Variants in NLE1 observed in about 807,000 individuals in gnomAD.
NLE1 encodes the protein notchless protein homolog 1.
In NLE1, 37 loss-of-function variants were observed where a neutral mutation model predicts 62.8. That is an observed-to-expected ratio of 0.59 (90% CI 0.45 to 0.78). NLE1 has a LOEUF of 0.78. Among genes scored for constraint, NLE1 ranks in the 30% least tolerant of loss-of-function variants. NLE1 has a pLI of 0.00. For missense variants in NLE1, 555 were observed against 637.9 expected, an observed-to-expected ratio of 0.87 and a Z score of 1.40; for synonymous variants, 243 against 253.0, an observed-to-expected ratio of 0.96 and a Z score of 0.37.
At chr17:35,141,713 A>C (rs984403417) in intron 2 of NLE1, among the ~76,000 whole-genome samples, 6 of 152,222 alleles carry the variant, frequency 3.9e-5, no homozygotes, top group African/African-American at 1.4e-4. Context: ...AACGTGTCCC[A>C]GACTGGGGGA....
chr17:35,136,261 C>T, intron 8 of NLE1, 46 bp from the exon 9 acceptor site: 1 of 1,613,108 alleles, frequency 6.2e-7, no homozygotes, highest in Non-Finnish European at 8.5e-7. Flanking sequence ...AGGAAGAAGG[C>T]CGATAAGAAA....
intron 4 of NLE1, among the ~76,000 whole-genome samples, chr17:35,138,686 T>G (rs1228245494): frequency 1.3e-5 from 2 of 152,196 alleles, no homozygotes; most frequent in Non-Finnish European, 2.9e-5. Context: ...TCAAGTGATC[T>G]GCCTGCCTTG....
chr17:35,133,578 G>T, intron 10 of NLE1, 80 bp from the exon 11 acceptor site: 2 of 1,356,404 alleles, frequency 1.5e-6, no homozygotes, highest in Non-Finnish European at 2.0e-6. Context: ...TACGCTCATG[G>T]CAGTGGTTCT....
chr17:35,132,887 G>T (rs1274618139), intron 12 of NLE1, among the ~76,000 whole-genome samples: 3 of 152,132 alleles, frequency 2.0e-5, no homozygotes. Context: ...TCTACAAGGT[G>T]TCCTGTGGCC....
At chr17:35,141,760 C>T (rs192776380) in intron 2 of NLE1, among the ~76,000 whole-genome samples, 1 of 152,178 alleles carries the variant, frequency 6.6e-6, no homozygotes, top group South Asian at 2.1e-4. Flanking sequence ...GCATCCGGTG[C>T]GTTCAAAGCT....
At chr17:35,136,955 G>A (rs1228174410) in intron 7 of NLE1, 46 bp downstream of exon 7, 2 of 1,517,268 alleles carry the variant, frequency 1.3e-6, no homozygotes, top group Non-Finnish European at 1.8e-6. Flanking sequence ...AGCATCTTGT[G>A]ACTTGCGATT....
chr17:35,132,742 CCTGT>C (rs934512108), intron 12 of NLE1, among the ~76,000 whole-genome samples: 35 of 152,214 alleles, frequency 2.3e-4, no homozygotes, highest in African/African-American at 7.7e-4. Flanking sequence ...TATTTTTGAT[CCTGT>C]CTGTGAAGGT....
At chr17:35,133,268 G>A (rs1352575891) in intron 11 of NLE1, 27 bp from the exon 12 acceptor site, 2 of 1,613,838 alleles carry the variant, frequency 1.2e-6, no homozygotes, top group Non-Finnish European at 1.7e-6. Flanking sequence ...GAAGGCAGGT[G>A]GGGTGGTGAG....
At chr17:35,140,263 C>G (rs2091935093) in intron 2 of NLE1, among the ~76,000 whole-genome samples, 197 bp from the exon 3 acceptor site, 1 of 152,244 alleles carries the variant, frequency 6.6e-6, no homozygotes, top group African/African-American at 2.4e-5. Flanking sequence ...GAGTCTCGCT[C>G]TGTCACCCAG....
At position 35,137,024 on chromosome 17, in the gene NLE1, T is replaced by C. The variant is rs1360005324; in HGVS notation, c.805A>G (p.Ile269Val). The change falls in exon 7 of 13, where the codon ATC becomes GTC. Residue 269 changes from isoleucine (I) to valine (V), a missense_variant. Ile to Val is a conservative substitution (Grantham distance 29). Transcript: ENST00000442241. ...LLYSASQDRT[I>V]KVWRAHDGVL... ...ACGTCATGAGCTCTCCAGACTTTGA[T>C]GGTGCGGTCCTGGGAGGCAGAGTAG... 6.2e-7 allele frequency: 1 copy of C among 1,608,630 alleles called. No individual in the cohort carries two copies.
Position 35,129,539 on chromosome 17 carries a change from T to C in NLE1, c.*2898A>G. The C allele has an allele frequency of 1.2e-6, 2 of 1,614,210 alleles. No individual in the cohort carries two copies. Among genetic ancestry groups the C allele is most frequent in the South Asian group, 1.1e-5 (1 of 91,088 alleles). Reference sequence around the variant, plus strand: ...CGAGGCAAAGAATCGTCCATGGATCTTCAACAAGATTTTGGGCACTACTGT... The same window carrying C: ...CGAGGCAAAGAATCGTCCATGGATCCTCAACAAGATTTTGGGCACTACTGT... On this transcript the variant is annotated 3_prime_UTR_variant, in exon 13 of 13. Coordinates refer to ENST00000442241, the MANE Select transcript of NLE1 (RefSeq NM_018096.5).
chr17:35,139,066 C>G (rs761101359), intron 4 of NLE1, among the ~76,000 whole-genome samples, 169 bp downstream of exon 4: 23 of 152,126 alleles, frequency 1.5e-4, no homozygotes, highest in Non-Finnish European at 2.9e-4. Flanking sequence ...GTCATCCCAG[C>G]TACTCTGGAG....
At position 35,138,512 on chromosome 17, in the gene NLE1, C is replaced by T. The variant is rs1388503975; in HGVS notation, c.461-622G>A. Among the ~76,000 whole-genome samples, 4 of 152,178 alleles carry T rather than the reference C, an allele frequency of 2.6e-5. No homozygotes were observed. In the East Asian group the frequency reaches 7.7e-4, roughly 29 times the overall value. The stretch of plus-strand genomic sequence containing the variant: ...AGGCTGGAGTGCAGTGGTGCCATCT[C>T]GGCTCACTGCAACCTCCGCCTCCTA... On this transcript the variant is annotated intron_variant, in intron 4 of 12. Transcript: ENST00000442241.
rs1597890021 is a variant in NLE1 at position 35,135,240 on chromosome 17, C to A, written c.1214+9G>T. On this transcript the variant is annotated intron_variant, in intron 10 of 12. Transcript: ENST00000442241. Reference sequence around the variant, plus strand: ...TCCTTACAGAGAAGCAGTACCCACCCCTACTCACTTGCCCGTCCTGCCATC... The same window carrying A: ...TCCTTACAGAGAAGCAGTACCCACCACTACTCACTTGCCCGTCCTGCCATC... 2 of 1,613,748 alleles carry A rather than the reference C, an allele frequency of 1.2e-6. No homozygotes were observed. Among genetic ancestry groups the A allele is most frequent in the East Asian group, 4.5e-5 (2 of 44,876 alleles).
At chr17:35,141,351 T>C (rs749942489) in intron 2 of NLE1, among the ~76,000 whole-genome samples, 3 of 152,042 alleles carry the variant, frequency 2.0e-5, no homozygotes, top group Non-Finnish European at 4.4e-5. Flanking sequence ...ATCGAGACCA[T>C]CCTGGCCAAC....
chr17:35,133,128 T>C (rs1269915805), intron 12 of NLE1, 43 bp downstream of exon 12: 1 of 1,566,748 alleles, frequency 6.4e-7, no homozygotes, highest in Non-Finnish European at 8.8e-7. Flanking sequence ...ACCTTAGGGG[T>C]AGGAGGGCTG....
Position 35,131,942 on chromosome 17 carries a change from G to T in NLE1, c.*495C>A, listed in dbSNP as rs955193274. ...ACACGGGGGAAGAGAGGGAAGGCAA[G>T]TGCCTGGTCAGTGTGGTTTTGGCGT... On this transcript the variant is annotated 3_prime_UTR_variant, in exon 13 of 13. Transcript: ENST00000442241. 2 of 152,530 alleles carry T rather than the reference G, an allele frequency of 1.3e-5. No homozygotes were observed. The highest frequency in any genetic ancestry group is 4.8e-5 in the African/African-American group (2 of 41,470). 9.4% of individuals were successfully genotyped at this position (152,530 alleles called of 1,614,324 possible).
intron 10 of NLE1, chr17:35,134,876 A>G: frequency 2.7e-6 from 1 of 364,540 alleles, no homozygotes; most frequent in Admixed American, 3.7e-5. Flanking sequence ...ACATGGTGAA[A>G]CCCCGTCTCA....
At position 35,129,885 on chromosome 17, in the gene NLE1, C is replaced by T. The variant is rs993627504; in HGVS notation, c.*2552G>A. 7.1e-7 allele frequency: 1 copy of T among 1,411,338 alleles called. No individual in the cohort carries two copies. The highest frequency in any genetic ancestry group is 9.2e-7 in the Non-Finnish European group (1 of 1,085,844). 87.4% of individuals were successfully genotyped at this position (1,411,338 alleles called of 1,614,324 possible). A position where few individuals can be genotyped will look rare whatever the true frequency, so the allele number is the denominator to read the frequency against. ...TGCAAACGAATGTATTTTTCAACATCACTATAATGTTCCCCTTCCAAAGCC... is the reference window on the plus strand; with the variant it reads ...TGCAAACGAATGTATTTTTCAACATTACTATAATGTTCCCCTTCCAAAGCC... On this transcript the variant is annotated 3_prime_UTR_variant, in exon 13 of 13. Coordinates refer to ENST00000442241, the MANE Select transcript of NLE1 (RefSeq NM_018096.5).
Sources: gnomAD v4.1 joint callset for allele counts (sites outside exome capture counted in the v4.1 genomes callset) on GRCh38, gnomAD v4.1.1 for gene constraint, MANE v1.5 for transcripts, NCBI Gene and HGNC (gene_info 2026-07-23, HGNC 2026-07-21) for gene names.